The following PRKG1 variants were observed in gnomAD, a reference collection of about 807,000 sequenced individuals.
PRKG1 encodes the protein protein kinase cGMP-dependent 1.
Under a neutral mutation model 88.1 loss-of-function variants are expected in PRKG1, and 35 were observed. The ratio of observed to expected loss-of-function variants is 0.40; its 90% CI spans 0.30 to 0.53. The LOEUF (loss-of-function observed/expected upper bound fraction) is 0.53, where lower values mean the gene tolerates loss of function less well. Among genes scored for constraint, PRKG1 ranks in the 20% least tolerant of loss-of-function variants. The probability of loss-of-function intolerance (pLI) is 0.59; values close to 1 mark genes in which losing one functional copy is unlikely to be tolerated. For synonymous variants in PRKG1, 303 were observed against 292.5 expected (o/e 1.04, Z -0.37); for missense variants, 540 against 839.8 (o/e 0.64, Z 4.41).
intron 3 of PRKG1, among the ~76,000 whole-genome samples, chr10:51,504,604 C>T (rs1481283414): frequency 1.3e-5 from 2 of 152,154 alleles, no homozygotes; most frequent in Non-Finnish European, 2.9e-5. Flanking sequence ...TATCCATGAG[C>T]ATGGAATGTT....
chr10:52,168,138 A>G (rs1838542273), intron 9 of PRKG1, among the ~76,000 whole-genome samples: 1 of 152,234 alleles, frequency 6.6e-6, no homozygotes, highest in South Asian at 2.1e-4. Flanking sequence ...AATGAATAAA[A>G]TAGATAAGTT....
At chr10:52,233,021 G>C (rs1041249320) in intron 9 of PRKG1, among the ~76,000 whole-genome samples, 10 of 152,228 alleles carry the variant, frequency 6.6e-5, no homozygotes, top group African/African-American at 2.4e-4. Flanking sequence ...TTAAGACTGG[G>C]AAAGAGAGGC....
At chr10:51,142,801 T>C (rs896981516) in intron 1 of PRKG1, among the ~76,000 whole-genome samples, 4 of 152,086 alleles carry the variant, frequency 2.6e-5, no homozygotes, top group African/African-American at 7.2e-5. Context: ...CATGAAATGC[T>C]CTATGTAGAT....
At chr10:51,929,735 C>T (rs184606155) in intron 5 of PRKG1, among the ~76,000 whole-genome samples, 80 of 152,262 alleles carry the variant, frequency 5.3e-4, no homozygotes, top group African/African-American at 1.8e-3. Context: ...TGAGAATTAA[C>T]ATAAATTCTA....
At chr10:51,906,169 T>C (rs1317799614) in intron 4 of PRKG1, among the ~76,000 whole-genome samples, 2 of 152,052 alleles carry the variant, frequency 1.3e-5, no homozygotes, top group African/African-American at 4.8e-5. Context: ...GAAAGGTGTG[T>C]GTATGGAGGA....
intron 2 of PRKG1, among the ~76,000 whole-genome samples, chr10:51,286,611 T>C (rs12257338): frequency 0.011 from 1,708 of 152,336 alleles, 28 homozygotes; most frequent in African/African-American, 0.038. Context: ...GTTATTATAA[T>C]TGTACTTATT....
chr10:51,324,007 T>C (rs1421874519), intron 2 of PRKG1, among the ~76,000 whole-genome samples: 1 of 152,222 alleles, frequency 6.6e-6, no homozygotes, highest in Non-Finnish European at 1.5e-5. Flanking sequence ...TTGGGATGCA[T>C]GTGATACTTT....
rs1840786420 is a variant in PRKG1 at position 51,679,293 on chromosome 10, T to C, written c.593-125292T>C. Among the ~76,000 whole-genome samples the C allele has an allele frequency of 2.0e-5, 3 of 152,124 alleles. No individual in the cohort carries two copies. In the South Asian group the frequency reaches 6.2e-4, roughly 31 times the overall value. On this transcript the variant is annotated intron_variant, in intron 3 of 17. Transcript: ENST00000373980. ...GTAACCTATTGCTTTTTTCTCTCTGTTTTCCTCTTTCTTTCTTTCTTTTTC... is the reference window on the plus strand; with the variant it reads ...GTAACCTATTGCTTTTTTCTCTCTGCTTTCCTCTTTCTTTCTTTCTTTTTC...
intron 2 of PRKG1, among the ~76,000 whole-genome samples, chr10:51,194,397 C>T (rs990251615): frequency 6.6e-6 from 1 of 152,002 alleles, no homozygotes; most frequent in Non-Finnish European, 1.5e-5. Context: ...TAGCACCCAA[C>T]CCCCTGACAG....
chr10:52,196,725 T>G (rs1470104908), intron 9 of PRKG1, among the ~76,000 whole-genome samples: 1 of 152,122 alleles, frequency 6.6e-6, no homozygotes, highest in East Asian at 1.9e-4. Context: ...TGTGGGCAGA[T>G]AGGATCTATT....
intron 8 of PRKG1, among the ~76,000 whole-genome samples, chr10:52,144,780 G>C (rs1305988532): frequency 6.6e-6 from 1 of 152,066 alleles, no homozygotes; most frequent in Non-Finnish European, 1.5e-5. Context: ...TCGCATCACT[G>C]TACTCCACCC....
At chr10:51,564,805 A>G (rs1296629343) in intron 3 of PRKG1, among the ~76,000 whole-genome samples, 1 of 152,074 alleles carries the variant, frequency 6.6e-6, no homozygotes, top group African/African-American at 2.4e-5. Context: ...CACTCTTCAT[A>G]TTAATGCTTT....
At chr10:52,278,291 C>T (rs796838031) in intron 12 of PRKG1, among the ~76,000 whole-genome samples, 15 of 152,132 alleles carry the variant, frequency 9.9e-5, no homozygotes, top group South Asian at 4.1e-4. Context: ...GTTAGAATGA[C>T]GATCATTAAA....
At chr10:51,246,077 G>A (rs1160459429) in intron 2 of PRKG1, among the ~76,000 whole-genome samples, 1 of 152,058 alleles carries the variant, frequency 6.6e-6, no homozygotes. Flanking sequence ...AAGGTTTTGA[G>A]GAAGGGAGCA....
chr10:51,809,508 G>A (rs981475085), intron 4 of PRKG1, among the ~76,000 whole-genome samples: 3 of 152,112 alleles, frequency 2.0e-5, no homozygotes, highest in African/African-American at 7.2e-5. Context: ...TATTAAAACT[G>A]GTATCTATAC....
chr10:51,652,306 A>T (rs561072070), intron 3 of PRKG1, among the ~76,000 whole-genome samples: 2 of 104,946 alleles, frequency 1.9e-5, no homozygotes, highest in East Asian at 5.5e-4. Context: ...TAGTTAAGTG[A>T]TTTCTGACAC....
In PRKG1 at chr10:51,478,374, C is replaced by A. The variant is rs148626799; in HGVS notation, c.592+10538C>A. Among the ~76,000 whole-genome samples the A allele has an allele frequency of 2.1e-3, 320 of 152,132 alleles. 1 individual carries two copies. The highest frequency in any genetic ancestry group is 7.3e-3 in the African/African-American group (302 of 41,512). ...AAGGAAGAATCTGAATCTATAATCA[C>A]CACATTCCTTCTGGGTAAAGCTGCT... On this transcript the variant is annotated intron_variant, in intron 3 of 17. Coordinates refer to ENST00000373980, the MANE Select transcript of PRKG1 (RefSeq NM_006258.4).
rs1842333306 is a variant in PRKG1 at position 52,294,149 on chromosome 10, G to C, written c.*249G>C. On this transcript the variant is annotated 3_prime_UTR_variant, in exon 18 of 18. Transcript: ENST00000373980. ...GGTCCTGAAGCAAAGCCTTTCACCAGTAAAAGATGTTTTCTATTGTTGCAA... is the reference window on the plus strand; with the variant it reads ...GGTCCTGAAGCAAAGCCTTTCACCACTAAAAGATGTTTTCTATTGTTGCAA... 1 of 365,842 alleles carries C rather than the reference G, an allele frequency of 2.7e-6. No homozygotes were observed. The highest frequency in any genetic ancestry group is 4.7e-6 in the Non-Finnish European group (1 of 213,198). 22.7% of individuals were successfully genotyped at this position (365,842 alleles called of 1,614,324 possible).
At chr10:51,835,588 T>C (rs1840111920) in intron 4 of PRKG1, among the ~76,000 whole-genome samples, 1 of 152,186 alleles carries the variant, frequency 6.6e-6, no homozygotes, top group Admixed American at 6.5e-5. Context: ...AAATTATAAC[T>C]TTTTTTCATT....
Sources: allele counts gnomAD v4.1 joint callset (sites outside exome capture counted in the v4.1 genomes callset), GRCh38; gene constraint gnomAD v4.1.1; transcripts MANE v1.5; gene names NCBI Gene and HGNC (gene_info 2026-07-23, HGNC 2026-07-21).